The following OSBPL9 variants were observed in gnomAD, a reference collection of about 807,000 sequenced individuals.
OSBPL9 encodes the protein oxysterol binding protein like 9, also known as oxysterol-binding protein-related protein 9.
OSBPL9 carries 40 observed loss-of-function variants against 106.6 expected under a neutral mutation model. That is an observed-to-expected ratio of 0.38 (90% CI 0.29 to 0.49). The LOEUF (loss-of-function observed/expected upper bound fraction) is 0.49, where lower values mean the gene tolerates loss of function less well. Among genes scored for constraint, OSBPL9 ranks in the 20% least tolerant of loss-of-function variants. The probability of loss-of-function intolerance (pLI) is 0.97; values close to 1 mark genes in which losing one functional copy is unlikely to be tolerated. For synonymous variants in OSBPL9, 269 were observed against 295.4 expected, an observed-to-expected ratio of 0.91 and a Z score of 0.92; for missense variants, 609 against 887.2, an observed-to-expected ratio of 0.69 and a Z score of 3.98.
At chr1:51,519,164 C>G in the OSBPL9 span, 1 of 1,421,652 alleles carries the variant, frequency 7.0e-7, no homozygotes, top group Non-Finnish European at 9.3e-7. Context: ...GGGGCACCGG[C>G]CGGCCAAGCC....
chr1:51,729,681 A>C lies in OSBPL9; in HGVS notation c.318+15602A>C. The C allele has an allele frequency of 2.0e-6, 1 of 495,266 alleles. No individual in the cohort carries two copies. The allele number at this position is 495,266 out of a possible 1,614,324, so 30.7% of individuals were successfully genotyped here. ...TCCACCCAAAACTGGCCCAACCGCC[A>C]ATCGTCTGCCTCTCACCTCCTACAG... is the stretch of plus-strand genomic sequence containing the variant. On this transcript the variant is annotated intron_variant, in intron 4 of 23. Coordinates refer to ENST00000428468, the MANE Select transcript of OSBPL9 (RefSeq NM_024586.6). This position sits in a 1 kb window ranked among gnomAD's most constrained non-coding sequence, Gnocchi z 5.1.
At chr1:51,533,845 C>CTTTTTTT in the OSBPL9 span, among the ~76,000 whole-genome samples, 16 of 116,298 alleles carry the variant, frequency 1.4e-4, no homozygotes, top group African/African-American at 4.9e-4. Context: ...TTTTTTCTTT[C>CTTTTTTT]TTTTTTTTTT....
chr1:51,760,455 C>A, intron 9 of OSBPL9: 1 of 443,836 alleles, frequency 2.3e-6, no homozygotes. Context: ...TCAGTTTTTC[C>A]ATTTAGCTTT....
chr1:51,673,878 C>G (rs1217684808), intron 3 of OSBPL9, among the ~76,000 whole-genome samples: 1 of 148,486 alleles, frequency 6.7e-6, no homozygotes, highest in African/African-American at 2.4e-5. Context: ...GATGCCCTGT[C>G]TCTAAAAAAG....
At chr1:51,520,309 A>G in the OSBPL9 span, among the ~76,000 whole-genome samples, 1 of 152,320 alleles carries the variant, frequency 6.6e-6, no homozygotes, top group African/African-American at 2.4e-5. Flanking sequence ...GATGCTGCCA[A>G]CCTTCAGTTG....
At chr1:51,721,226 G>C (rs1414964609) in intron 4 of OSBPL9, among the ~76,000 whole-genome samples, 3 of 151,348 alleles carry the variant, frequency 2.0e-5, no homozygotes, top group Non-Finnish European at 4.4e-5. Context: ...GGTTATAAGA[G>C]TATACAAGGG....
At position 51,776,882 on chromosome 1, in the gene OSBPL9, A is replaced by T; in HGVS notation, c.1220A>T (p.Tyr407Phe). 6.2e-7 allele frequency: 1 copy of T among 1,612,920 alleles called. No homozygotes were observed. Among genetic ancestry groups the T allele is most frequent in the Non-Finnish European group, 8.5e-7 (1 of 1,179,114 alleles). Residue 407 changes from tyrosine (Y) to phenylalanine (F), a missense_variant, in exon 15 of 24, where the codon TAT (tyrosine) becomes TTT (phenylalanine). Transcript: ENST00000428468. ...GAAAGAAGATCTCTTTTAGAAATGT[A>T]TGCAGACTTTTTTGCACATCCGGAC... is the stretch of plus-strand genomic sequence containing the variant. ...ILERRSLLEMYADFFAHPDLF... is the reference protein window; with the variant it reads ...ILERRSLLEMFADFFAHPDLF...
At chr1:51,576,595 A>G (rs970114936), upstream of OSBPL9, among the ~76,000 whole-genome samples, 1 of 151,890 alleles carries the variant, frequency 6.6e-6, no homozygotes, top group Non-Finnish European at 1.5e-5. Context: ...TGGCATGATC[A>G]TGGCTCACTG....
intron 1 of OSBPL9, among the ~76,000 whole-genome samples, chr1:51,639,141 C>G (rs1645622651): frequency 6.6e-6 from 1 of 152,088 alleles, no homozygotes; most frequent in South Asian, 2.1e-4. Flanking sequence ...TATTTACAGC[C>G]TTGTCACTAA....
chr1:51,707,083 CCT>C (rs1215685910), intron 3 of OSBPL9: 8 of 232,956 alleles, frequency 3.4e-5, no homozygotes, highest in Non-Finnish European at 6.4e-5. Flanking sequence ...CAGCTGAGGT[CCT>C]CTCTTGTCCT....
chr1:51,589,625 G>T (rs1388269134), intron 1 of OSBPL9, among the ~76,000 whole-genome samples: 1 of 152,018 alleles, frequency 6.6e-6, no homozygotes. Flanking sequence ...TCTAAGAGAA[G>T]AATATTCCAG....
chr1:51,691,538 G>A (rs754355187), intron 3 of OSBPL9, among the ~76,000 whole-genome samples: 2 of 151,222 alleles, frequency 1.3e-5, no homozygotes, highest in East Asian at 1.9e-4. Context: ...CACCTGCCTC[G>A]GCCTCCCAAA....
intron 4 of OSBPL9, among the ~76,000 whole-genome samples, chr1:51,730,919 C>G (rs538410160): frequency 1.3e-5 from 2 of 152,230 alleles, no homozygotes; most frequent in African/African-American, 4.8e-5. Context: ...ACTGGAAATT[C>G]TCACGTAGTT....
chr1:51,560,663 G>A, the OSBPL9 span, among the ~76,000 whole-genome samples: 3 of 152,154 alleles, frequency 2.0e-5, no homozygotes, highest in Non-Finnish European at 4.4e-5. Context: ...TTCTTAATAA[G>A]TCTCAGAGAA....
chr1:51,705,581 A>C (rs1201880334), intron 3 of OSBPL9, among the ~76,000 whole-genome samples: 1 of 150,534 alleles, frequency 6.6e-6, no homozygotes, highest in African/African-American at 2.4e-5. Context: ...ACACCCAGCT[A>C]ATTTTGTATT....
At chr1:51,579,969 T>C (rs1645211917) in intron 1 of OSBPL9, among the ~76,000 whole-genome samples, 1 of 152,184 alleles carries the variant, frequency 6.6e-6, no homozygotes, top group African/African-American at 2.4e-5. Context: ...GTAGTGTTTC[T>C]GTCTCCACCG....
intron 3 of OSBPL9, among the ~76,000 whole-genome samples, chr1:51,690,349 C>G (rs1239318809): frequency 6.6e-6 from 1 of 152,188 alleles, no homozygotes; most frequent in African/African-American, 2.4e-5. Flanking sequence ...TACCTGGTTG[C>G]CCACTACAGT....
the OSBPL9 span, among the ~76,000 whole-genome samples, chr1:51,549,662 T>C: frequency 8.5e-5 from 13 of 152,318 alleles, no homozygotes; most frequent in Non-Finnish European, 1.6e-4. Flanking sequence ...CAAAACACTG[T>C]CTCTACTAAA....
At chr1:51,530,764 G>A in the OSBPL9 span, among the ~76,000 whole-genome samples, 7 of 152,238 alleles carry the variant, frequency 4.6e-5, no homozygotes, top group Admixed American at 6.5e-5. Context: ...TTGGGAGGCC[G>A]AGGCAGGCAG....
Sources: allele counts gnomAD v4.1 joint callset (sites outside exome capture counted in the v4.1 genomes callset), GRCh38; gene constraint gnomAD v4.1.1; non-coding constraint Gnocchi (gnomAD v3.1); transcripts MANE v1.5; gene names NCBI Gene and HGNC (gene_info 2026-07-23, HGNC 2026-07-21).